The following BCAS3 variants were observed in gnomAD, a reference collection of about 807,000 sequenced individuals.
BCAS3 encodes the protein BCAS3 microtubule associated cell migration factor.
Under a neutral mutation model 116.1 loss-of-function variants are expected in BCAS3, and 53 were observed. The ratio of observed to expected loss-of-function variants is 0.46; its 90% CI spans 0.37 to 0.57. The LOEUF (loss-of-function observed/expected upper bound fraction) is 0.57. Ranked by LOEUF, BCAS3 falls within the 20% of genes least tolerant of loss-of-function variation. The pLI, the probability that BCAS3 is intolerant of heterozygous loss-of-function variation, is 0.00. For synonymous variants in BCAS3, 391 were observed against 408.2 expected, an observed-to-expected ratio of 0.96 and a Z score of 0.51; for missense variants, 917 against 1,165.4, an observed-to-expected ratio of 0.79 and a Z score of 3.10.
Position 61,162,755 on chromosome 17 carries a change from C to T in BCAS3, c.2425+78191C>T, listed in dbSNP as rs2078239841. On this transcript the variant is annotated intron_variant, in intron 22 of 23. Coordinates refer to ENST00000407086, the MANE Select transcript of BCAS3 (RefSeq NM_017679.5). The surrounding 1 kb of genome is among the most constrained non-coding windows in gnomAD (Gnocchi z 5.6). ...TGCCCTCCTTGGGGAGGAGCAACGTCTCCAGCCGAGGCTGCAACCCGAGGA... is the reference window on the plus strand; with the variant it reads ...TGCCCTCCTTGGGGAGGAGCAACGTTTCCAGCCGAGGCTGCAACCCGAGGA... Among the ~76,000 whole-genome samples, 1 of 152,194 alleles carries T rather than the reference C, an allele frequency of 6.6e-6. No homozygotes were observed. The highest frequency in any genetic ancestry group is 2.1e-4 in the South Asian group (1 of 4,830).
intron 22 of BCAS3, among the ~76,000 whole-genome samples, chr17:61,301,262 A>G (rs2144741782): frequency 6.6e-6 from 1 of 152,326 alleles, no homozygotes; most frequent in Non-Finnish European, 1.5e-5. Context: ...AGAGTCTAAA[A>G]TATTTGCCAT....
chr17:61,211,042 A>G lies in BCAS3; in HGVS notation c.2425+126478A>G, dbSNP rs536026010. On this transcript the variant is annotated intron_variant, in intron 22 of 23. Transcript: ENST00000407086. The surrounding 1 kb of genome is among the most constrained non-coding windows in gnomAD (Gnocchi z 4.4). Reference sequence around the variant, plus strand: ...AGCTAGGGTCCCATAGTCTTCCCCAAGCTAGGGTCCCAGCGCTGGGTGGGG... The same window carrying G: ...AGCTAGGGTCCCATAGTCTTCCCCAGGCTAGGGTCCCAGCGCTGGGTGGGG... 6.6e-6 allele frequency among the ~76,000 whole-genome samples: 1 copy of G among 152,162 alleles called. No homozygotes were observed. The highest frequency in any genetic ancestry group is 2.1e-4 in the South Asian group (1 of 4,796).
rs1661579150 is a variant in BCAS3 at position 61,324,093 on chromosome 17, T to C, written c.2426-44234T>C. ...TGTGCTCTTGTAACCCTCTGCTAGA[T>C]CACTTAGCACATGGGACATACTGGG... is the stretch of plus-strand genomic sequence containing the variant. On this transcript the variant is annotated intron_variant, in intron 22 of 23. Transcript: ENST00000407086. This position sits in a 1 kb window ranked among gnomAD's most constrained non-coding sequence, Gnocchi z 4.6. Among the ~76,000 whole-genome samples the C allele has an allele frequency of 6.6e-6, 1 of 152,198 alleles. No individual in the cohort carries two copies. Among genetic ancestry groups the C allele is most frequent in the South Asian group, 2.1e-4 (1 of 4,834 alleles).
At chr17:60,695,169 G>A (rs1045384969) in intron 4 of BCAS3, among the ~76,000 whole-genome samples, 4 of 145,192 alleles carry the variant, frequency 2.8e-5, no homozygotes, top group Non-Finnish European at 5.9e-5. Flanking sequence ...CACCCAGGCT[G>A]GAGTGCAGTG....
At chr17:60,786,383 A>T (rs2046285756) in intron 6 of BCAS3, among the ~76,000 whole-genome samples, 1 of 151,982 alleles carries the variant, frequency 6.6e-6, no homozygotes, top group Admixed American at 6.6e-5. Context: ...TTAGCTGGGC[A>T]TGGTGGTGCA....
intron 22 of BCAS3, among the ~76,000 whole-genome samples, chr17:61,238,293 G>C (rs1857310402): frequency 6.6e-6 from 1 of 151,130 alleles, no homozygotes. Context: ...CATGATCTTG[G>C]CTCACTGCAA....
rs2080944453 is a variant in BCAS3, at chr17:61,203,292, G to T, written c.2425+118728G>T. Among the ~76,000 whole-genome samples, 1 of 151,894 alleles carries T rather than the reference G, an allele frequency of 6.6e-6. No homozygotes were observed. Among genetic ancestry groups the T allele is most frequent in the South Asian group, 2.1e-4 (1 of 4,810 alleles). On this transcript the variant is annotated intron_variant, in intron 22 of 23. Coordinates refer to ENST00000407086, the MANE Select transcript of BCAS3 (RefSeq NM_017679.5). This position sits in a 1 kb window ranked among gnomAD's most constrained non-coding sequence, Gnocchi z 5.7. ...CCTGCCTCAGCCTCCCGAGTTGCTG[G>T]GATTACAGGTGCCCGACACCACACC...
intron 22 of BCAS3, among the ~76,000 whole-genome samples, chr17:61,176,669 C>T (rs1455964672): frequency 6.6e-6 from 1 of 151,870 alleles, no homozygotes; most frequent in Non-Finnish European, 1.5e-5. Context: ...GTGATCCTCC[C>T]ACCTCAGCCT....
In BCAS3 at chr17:61,283,019, T is replaced by C. The variant is rs369275964; in HGVS notation, c.2426-85308T>C. ...CCCCCTTTAAAAATAAATCAGCCCA[T>C]GGCATCTTTTATTTAAATAATACTA... is the stretch of plus-strand genomic sequence containing the variant. On this transcript the variant is annotated intron_variant, in intron 22 of 23. Transcript: ENST00000407086. 6.5e-4 allele frequency among the ~76,000 whole-genome samples: 98 copies of C among 151,852 alleles called. No homozygotes were observed. The South Asian group carries it at 0.02, about 31-fold the overall frequency.
Position 60,993,524 on chromosome 17 carries a change from C to T in BCAS3, c.1486+3289C>T, listed in dbSNP as rs527765510. Reference sequence around the variant, plus strand: ...ATTTCCAGAATTTCCGTCTATTACTCTGTGTAGTTTTTCTCATTTTTGAAG... The same window carrying T: ...ATTTCCAGAATTTCCGTCTATTACTTTGTGTAGTTTTTCTCATTTTTGAAG... On this transcript the variant is annotated intron_variant, in intron 15 of 23. Transcript: ENST00000407086. This position sits in a 1 kb window ranked among gnomAD's most constrained non-coding sequence, Gnocchi z 4.2. 2.0e-4 allele frequency among the ~76,000 whole-genome samples: 31 copies of T among 152,268 alleles called. 1 individual carries two copies. Among genetic ancestry groups the T allele is most frequent in the South Asian group, 1.0e-3 (5 of 4,830 alleles).
intron 22 of BCAS3, among the ~76,000 whole-genome samples, chr17:61,260,047 T>A (rs2049066182): frequency 6.6e-6 from 1 of 152,236 alleles, no homozygotes; most frequent in East Asian, 1.9e-4. Context: ...TATGCCCATG[T>A]TACAGATAAG....
At chr17:61,358,500 A>ATTTTTTTT (rs71150608) in intron 22 of BCAS3, among the ~76,000 whole-genome samples, 1 of 130,908 alleles carries the variant, frequency 7.6e-6, no homozygotes, top group African/African-American at 2.9e-5. Flanking sequence ...CACGTTTTTA[A>ATTTTTTTT]TTTTTTTTTT....
chr17:60,872,643 C>A (rs960361888), intron 8 of BCAS3, among the ~76,000 whole-genome samples: 14 of 150,772 alleles, frequency 9.3e-5, no homozygotes, highest in African/African-American at 2.7e-4. Flanking sequence ...TACACACACA[C>A]CCCGATATCT....
intron 22 of BCAS3, among the ~76,000 whole-genome samples, chr17:61,101,432 C>G (rs892404199): frequency 6.6e-6 from 1 of 152,068 alleles, no homozygotes; most frequent in Non-Finnish European, 1.5e-5. Context: ...ACAATTCACT[C>G]TATAGTGGGG....
rs75195321 is a variant in BCAS3 at position 61,096,405 on chromosome 17, A to T, written c.2425+11841A>T. ...CGTCTCTACAAAAAAAAAAATTTTT[A>T]AATTAGCTGAGTATGGTGGTATGCA... is the stretch of plus-strand genomic sequence containing the variant. On this transcript the variant is annotated intron_variant, in intron 22 of 23. Coordinates refer to ENST00000407086, the MANE Select transcript of BCAS3 (RefSeq NM_017679.5). Among the ~76,000 whole-genome samples the T allele has an allele frequency of 3.4e-3, 523 of 152,286 alleles. 3 individuals carry two copies. The highest frequency in any genetic ancestry group is 0.011 in the African/African-American group (470 of 41,572).
At chr17:61,163,997 C>A (rs371402236) in intron 22 of BCAS3, among the ~76,000 whole-genome samples, 421 of 112,260 alleles carry the variant, frequency 3.8e-3, no homozygotes, top group African/African-American at 5.8e-3. Flanking sequence ...AACTCCATCT[C>A]AAAAAAAAAA....
intron 22 of BCAS3, among the ~76,000 whole-genome samples, chr17:61,091,247 A>G (rs981320294): frequency 6.6e-6 from 1 of 152,168 alleles, no homozygotes; most frequent in Non-Finnish European, 1.5e-5. Context: ...TTGATGCAAT[A>G]CTTCTCACTG....
At position 61,226,746 on chromosome 17, in the gene BCAS3, T is replaced by A. The variant is rs559952038; in HGVS notation, c.2426-141581T>A. Among the ~76,000 whole-genome samples, 1 of 152,230 alleles carries A rather than the reference T, an allele frequency of 6.6e-6. No homozygotes were observed. The highest frequency in any genetic ancestry group is 1.5e-5 in the Non-Finnish European group (1 of 68,046). On this transcript the variant is annotated intron_variant, in intron 22 of 23. Transcript: ENST00000407086. The surrounding 1 kb of genome is among the most constrained non-coding windows in gnomAD (Gnocchi z 6.0). ...AATTGACTACCTAATATGTGCCAGA[T>A]ACCCATAGCTTTACATGGGATATCT...
At chr17:60,847,113 G>A (rs2052609915) in intron 7 of BCAS3, among the ~76,000 whole-genome samples, 1 of 152,088 alleles carries the variant, frequency 6.6e-6, no homozygotes, top group Non-Finnish European at 1.5e-5. Flanking sequence ...TTAGCATAAT[G>A]TTTGGGAGGT....
Sources: allele counts gnomAD v4.1 joint callset (sites outside exome capture counted in the v4.1 genomes callset), GRCh38; gene constraint gnomAD v4.1.1; non-coding constraint Gnocchi (gnomAD v3.1); transcripts MANE v1.5; gene names NCBI Gene and HGNC (gene_info 2026-07-23, HGNC 2026-07-21).